GAS7: variants seen among roughly 807,000 people sequenced by gnomAD.
The protein encoded by GAS7 is growth arrest-specific protein 7.
GAS7 carries 28 observed loss-of-function variants against 71.1 expected under a neutral mutation model. The observed-to-expected ratio is 0.39, with a 90% CI of 0.29 to 0.54. The LOEUF (loss-of-function observed/expected upper bound fraction) is 0.54. GAS7 is among the 20% of genes least tolerant of loss of function. The probability of loss-of-function intolerance (pLI) is 0.62; values close to 1 mark genes in which losing one functional copy is unlikely to be tolerated. For synonymous variants in GAS7, 258 were observed against 245.8 expected (o/e 1.05, Z -0.46); for missense variants, 436 against 627.8 (o/e 0.69, Z 3.27).
chr17:10,191,499 T>C lies in GAS7; in HGVS notation c.183+6709A>G, dbSNP rs143861274. On this transcript the variant is annotated intron_variant, in intron 1 of 13. Transcript: ENST00000432992. Reference sequence around the variant, plus strand: ...TGAGCCCAGGAGGTCAAGGCAGCAGTGAGCCATGATCATGCCACTATACTC... The same window carrying C: ...TGAGCCCAGGAGGTCAAGGCAGCAGCGAGCCATGATCATGCCACTATACTC... 4.1e-3 allele frequency among the ~76,000 whole-genome samples: 583 copies of C among 142,672 alleles called. 5 individuals carry two copies. Among genetic ancestry groups the C allele is most frequent in the East Asian group, 0.029 (137 of 4,788 alleles). The allele number at this position is 142,672 out of a possible 152,430, so 93.6% of individuals were successfully genotyped here.
At chr17:10,045,886 T>G (rs1220524492) in intron 1 of GAS7, among the ~76,000 whole-genome samples, 1 of 152,222 alleles carries the variant, frequency 6.6e-6, no homozygotes, top group Admixed American at 6.5e-5. Context: ...TCAATATTTT[T>G]TTCGAACTGA....
At position 9,916,061 on chromosome 17, in the gene GAS7, C is replaced by A. The variant is rs950130186; in HGVS notation, c.*1167G>T. Reference sequence around the variant, plus strand: ...GGGAAGCAAAGGTGGCGGGACACTGCCTGAAAGGCGACAACCTAGTGTGGC... The same window carrying A: ...GGGAAGCAAAGGTGGCGGGACACTGACTGAAAGGCGACAACCTAGTGTGGC... On this transcript the variant is annotated 3_prime_UTR_variant, in exon 14 of 14. Coordinates refer to ENST00000432992, the MANE Select transcript of GAS7 (RefSeq NM_201433.2). 4 of 233,022 alleles carry A rather than the reference C, an allele frequency of 1.7e-5. No homozygotes were observed. Among genetic ancestry groups the A allele is most frequent in the Non-Finnish European group, 3.4e-5 (4 of 117,994 alleles). The allele number at this position is 233,022 out of a possible 1,614,324, so 14.4% of individuals were successfully genotyped here. A position where few individuals can be genotyped will look rare whatever the true frequency, so the allele number is the denominator to read the frequency against.
At chr17:10,056,673 C>T (rs887309581) in intron 1 of GAS7, among the ~76,000 whole-genome samples, 1 of 151,988 alleles carries the variant, frequency 6.6e-6, no homozygotes, top group African/African-American at 2.4e-5. Context: ...AGATCGAGAC[C>T]ATCCTGGCTA....
At chr17:10,175,607 A>G (rs1354556351) in intron 1 of GAS7, among the ~76,000 whole-genome samples, 3 of 152,024 alleles carry the variant, frequency 2.0e-5, no homozygotes, top group Non-Finnish European at 2.9e-5. Flanking sequence ...TTAGTTAGTT[A>G]GTTAGTTAGT....
At chr17:9,977,095 G>A (rs2070235799) in intron 3 of GAS7, among the ~76,000 whole-genome samples, 1 of 152,192 alleles carries the variant, frequency 6.6e-6, no homozygotes, top group Non-Finnish European at 1.5e-5. Flanking sequence ...AATGTACCGT[G>A]GTTATGTAAG....
At chr17:10,017,067 G>C (rs2072056247) in intron 2 of GAS7, among the ~76,000 whole-genome samples, 1 of 151,152 alleles carries the variant, frequency 6.6e-6, no homozygotes, top group Admixed American at 6.6e-5. Context: ...GGAGGTTGAG[G>C]CTGCAGTGAG....
chr17:9,975,280 G>A (rs541213421), intron 3 of GAS7, among the ~76,000 whole-genome samples: 6 of 152,208 alleles, frequency 3.9e-5, no homozygotes, highest in Non-Finnish European at 7.4e-5. Flanking sequence ...GCTTGAACCC[G>A]GGAGGTGGAG....
At chr17:9,957,751 C>T (rs1278092639) in intron 5 of GAS7, among the ~76,000 whole-genome samples, 2 of 152,114 alleles carry the variant, frequency 1.3e-5, no homozygotes, top group African/African-American at 4.8e-5. Context: ...ATCAACTCCA[C>T]CGGTAACAGG....
chr17:10,090,096 G>A (rs1370658303), intron 1 of GAS7, among the ~76,000 whole-genome samples: 1 of 152,016 alleles, frequency 6.6e-6, no homozygotes, highest in African/African-American at 2.4e-5. Flanking sequence ...TTGAACCCGG[G>A]AGGCAGAGGT....
Position 10,170,533 on chromosome 17 carries a change from T to G in GAS7, c.183+27675A>C, listed in dbSNP as rs539285849. Among the ~76,000 whole-genome samples the G allele has an allele frequency of 2.3e-3, 348 of 152,336 alleles. 2 individuals carry two copies. The highest frequency in any genetic ancestry group is 8.0e-3 in the African/African-American group (331 of 41,570). ...TTACTCCATCGTATCTTCCAGGGCT[T>G]TGCACAGATGCCCTCTCCTAATGAG... On this transcript the variant is annotated intron_variant, in intron 1 of 13. Coordinates refer to ENST00000432992, the MANE Select transcript of GAS7 (RefSeq NM_201433.2).
Position 9,926,552 on chromosome 17 carries a change from C to T in GAS7, c.1014+89G>A, listed in dbSNP as rs1442561411. The T allele has an allele frequency of 1.5e-5, 20 of 1,368,574 alleles. No individual in the cohort carries two copies. The highest frequency in any genetic ancestry group is 1.0e-4 in the Admixed American group (6 of 58,614). 84.8% of individuals were successfully genotyped at this position (1,368,574 alleles called of 1,614,324 possible). On this transcript the variant is annotated intron_variant, in intron 10 of 13. Transcript: ENST00000432992. The surrounding 1 kb of genome is among the most constrained non-coding windows in gnomAD (Gnocchi z 5.0). ...CCTGGGGACAAAGACTCAGCCTTGG[C>T]GTATGGAGCCACTGCTGGCTTCCCA...
intron 1 of GAS7, among the ~76,000 whole-genome samples, chr17:10,137,197 C>T (rs924935823): frequency 3.9e-5 from 6 of 152,086 alleles, no homozygotes; most frequent in South Asian, 2.1e-4. Context: ...TGGGCATCAC[C>T]GCCATTCCTC....
chr17:9,937,375 C>T (rs909793454), intron 8 of GAS7, among the ~76,000 whole-genome samples: 3 of 152,200 alleles, frequency 2.0e-5, no homozygotes, highest in Non-Finnish European at 4.4e-5. Flanking sequence ...AGATGGAAGC[C>T]GGAAGACTCC....
intron 4 of GAS7, among the ~76,000 whole-genome samples, chr17:9,963,008 G>A (rs1389107261): frequency 6.7e-6 from 1 of 149,876 alleles, no homozygotes; most frequent in Non-Finnish European, 1.5e-5. Flanking sequence ...CACCTGACCT[G>A]GACTCCTCAA....
intron 1 of GAS7, among the ~76,000 whole-genome samples, chr17:10,126,077 G>A (rs1297950651): frequency 6.6e-6 from 1 of 152,188 alleles, no homozygotes; most frequent in Non-Finnish European, 1.5e-5. Context: ...GGGACCCACA[G>A]CAGGGGTCGG....
At chr17:9,987,652 A>G (rs1476876188) in intron 2 of GAS7, among the ~76,000 whole-genome samples, 1 of 152,268 alleles carries the variant, frequency 6.6e-6, no homozygotes, top group Non-Finnish European at 1.5e-5. Flanking sequence ...TGAATGAATA[A>G]TTTGTAAAGT....
intron 1 of GAS7, among the ~76,000 whole-genome samples, chr17:10,087,239 C>T (rs1167116803): frequency 6.6e-6 from 1 of 152,180 alleles, no homozygotes; most frequent in East Asian, 1.9e-4. Flanking sequence ...GGTTCAGCTA[C>T]CCCCACTTCT....
At chr17:10,155,582 G>A (rs908965096) in intron 1 of GAS7, among the ~76,000 whole-genome samples, 11 of 152,106 alleles carry the variant, frequency 7.2e-5, no homozygotes, top group Non-Finnish European at 1.2e-4. Flanking sequence ...ATTTCCCACC[G>A]CTATGTCAGG....
At chr17:9,941,996 T>C (rs1052787079) in intron 7 of GAS7, among the ~76,000 whole-genome samples, 6 of 152,228 alleles carry the variant, frequency 3.9e-5, no homozygotes, top group Non-Finnish European at 8.8e-5. Flanking sequence ...CTCATGCCTC[T>C]AATCCCAGCA....
Sources: allele counts gnomAD v4.1 joint callset (sites outside exome capture counted in the v4.1 genomes callset), GRCh38; gene constraint gnomAD v4.1.1; non-coding constraint Gnocchi (gnomAD v3.1); transcripts MANE v1.5; gene names NCBI Gene and HGNC (gene_info 2026-07-23, HGNC 2026-07-21).